Variants in SLC10A7 observed in about 807,000 individuals in gnomAD.
The protein encoded by SLC10A7 is solute carrier family 10 member 7.
A neutral mutation model predicts 43.2 loss-of-function variants in SLC10A7; 29 were observed. The ratio of observed to expected loss-of-function variants is 0.67; its 90% CI spans 0.50 to 0.92. The LOEUF is 0.92. Ranked by LOEUF, SLC10A7 falls within the 40% of genes least tolerant of loss-of-function variation. The pLI is 0.00. For missense variants in SLC10A7, 295 were observed against 403.2 expected, an observed-to-expected ratio of 0.73 and a Z score of 2.30; for synonymous variants, 152 against 144.8, an observed-to-expected ratio of 1.05 and a Z score of -0.35.
rs968675750 is a variant in SLC10A7, at chr4:146,393,853, C to G, written c.435+48930G>C. Among the ~76,000 whole-genome samples the G allele has an allele frequency of 1.3e-4, 20 of 152,152 alleles. 1 individual carries two copies. The highest frequency in any genetic ancestry group is 1.3e-3 in the Admixed American group (20 of 15,280). ...GGGGAAGGGAATATACAGGCACCTA[C>G]CAATAAGAGCAATTATTCTGGGAAC... On this transcript the variant is annotated intron_variant, in intron 5 of 11. Coordinates refer to ENST00000335472, the MANE Select transcript of SLC10A7 (RefSeq NM_001029998.6).
intron 5 of SLC10A7, among the ~76,000 whole-genome samples, chr4:146,385,308 G>A (rs1406148165): frequency 6.6e-6 from 1 of 152,096 alleles, no homozygotes; most frequent in Non-Finnish European, 1.5e-5. Context: ...ATATTATTAG[G>A]TTAGTGCAAA....
intron 5 of SLC10A7, chr4:146,442,361 G>T: frequency 1.0e-6 from 1 of 995,138 alleles, no homozygotes; most frequent in Non-Finnish European, 1.2e-6. Flanking sequence ...CTTTGACAGT[G>T]AAATGTACAA....
intron 4 of SLC10A7, among the ~76,000 whole-genome samples, chr4:146,482,761 C>T (rs1028033773): frequency 2.6e-5 from 4 of 151,982 alleles, no homozygotes; most frequent in Admixed American, 6.6e-5. Context: ...CCAAATTGAT[C>T]AAATCCAAAG....
chr4:146,419,310 G>A (rs773259819), intron 5 of SLC10A7, among the ~76,000 whole-genome samples: 5 of 152,054 alleles, frequency 3.3e-5, no homozygotes, highest in Non-Finnish European at 7.4e-5. Context: ...AGGCCAATAA[G>A]CCAAATTAGC....
At chr4:146,311,280 C>G (rs184783404) in intron 6 of SLC10A7, among the ~76,000 whole-genome samples, 5 of 152,210 alleles carry the variant, frequency 3.3e-5, no homozygotes, top group Admixed American at 2.6e-4. Context: ...CTTAGAAAGA[C>G]AAATAGGTAG....
chr4:146,332,740 T>C (rs1350037456), intron 5 of SLC10A7, among the ~76,000 whole-genome samples: 1 of 152,204 alleles, frequency 6.6e-6, no homozygotes, highest in East Asian at 1.9e-4. Context: ...AAGGACAGAA[T>C]AATACACCAT....
intron 4 of SLC10A7, among the ~76,000 whole-genome samples, chr4:146,460,223 C>T (rs914238977): frequency 7.2e-5 from 11 of 151,906 alleles, no homozygotes; most frequent in Non-Finnish European, 1.0e-4. Flanking sequence ...CCAATGAGGA[C>T]TCTCATATAT....
At chr4:146,512,275 G>A (rs1428074542) in intron 2 of SLC10A7, among the ~76,000 whole-genome samples, 8 of 151,978 alleles carry the variant, frequency 5.3e-5, no homozygotes, top group African/African-American at 1.7e-4. Flanking sequence ...TGCCCGGACT[G>A]CATATACTTC....
chr4:146,428,686 T>G (rs745333704), intron 5 of SLC10A7, among the ~76,000 whole-genome samples: 2 of 152,152 alleles, frequency 1.3e-5, no homozygotes, highest in African/African-American at 2.4e-5. Context: ...CAGTTTCTTT[T>G]TATGCACTGT....
At chr4:146,404,837 ATAAAC>A (rs1316926575) in intron 5 of SLC10A7, among the ~76,000 whole-genome samples, 1 of 152,186 alleles carries the variant, frequency 6.6e-6, no homozygotes, top group African/African-American at 2.4e-5. Context: ...CACTGTAAAA[ATAAAC>A]TAAAGATGAA....
chr4:146,508,722 T>C (rs901348143), intron 3 of SLC10A7, among the ~76,000 whole-genome samples: 1 of 152,182 alleles, frequency 6.6e-6, no homozygotes, highest in African/African-American at 2.4e-5. Flanking sequence ...CACTACTCTC[T>C]GAGTTGATTT....
chr4:146,467,901 T>A (rs935936638), intron 4 of SLC10A7, among the ~76,000 whole-genome samples: 1 of 152,212 alleles, frequency 6.6e-6, no homozygotes, highest in African/African-American at 2.4e-5. Flanking sequence ...CCTGGATCTA[T>A]GTGATGTGAT....
intron 5 of SLC10A7, among the ~76,000 whole-genome samples, chr4:146,440,528 C>A (rs577116976): frequency 6.6e-6 from 1 of 152,140 alleles, no homozygotes; most frequent in South Asian, 2.1e-4. Flanking sequence ...TTGGACAGCT[C>A]CCTCCAAATG....
At chr4:146,455,651 A>T (rs1731980491) in intron 4 of SLC10A7, among the ~76,000 whole-genome samples, 1 of 151,882 alleles carries the variant, frequency 6.6e-6, no homozygotes, top group South Asian at 2.1e-4. Flanking sequence ...AACTTACCAT[A>T]GATTCACAGA....
intron 4 of SLC10A7, among the ~76,000 whole-genome samples, chr4:146,446,776 CTATCTATCTATCTATCTATT>C (rs1321069444): frequency 2.9e-4 from 44 of 151,738 alleles, no homozygotes; most frequent in Middle Eastern, 6.8e-3. Flanking sequence ...ATCTATCTAT[CTATCTATCTATCTATCTATT>C]TATCTATCTA....
At chr4:146,381,592 A>G (rs148936337) in intron 5 of SLC10A7, among the ~76,000 whole-genome samples, 223 of 152,284 alleles carry the variant, frequency 1.5e-3, no homozygotes, top group African/African-American at 4.4e-3. Context: ...GGAGGCAAGG[A>G]AGATTTGCTC....
At chr4:146,514,866 G>A in intron 2 of SLC10A7, 1 of 465,968 alleles carries the variant, frequency 2.1e-6, no homozygotes, top group South Asian at 3.7e-5. Flanking sequence ...ATACAATCTA[G>A]GACATCTTAA....
chr4:146,279,722 C>T (rs969802430), intron 10 of SLC10A7, among the ~76,000 whole-genome samples: 6 of 152,078 alleles, frequency 3.9e-5, no homozygotes, highest in Non-Finnish European at 5.9e-5. Flanking sequence ...TCTTCCTGAA[C>T]GAACTCCAGG....
intron 5 of SLC10A7, among the ~76,000 whole-genome samples, chr4:146,346,007 T>C (rs1734596595): frequency 1.3e-5 from 2 of 152,078 alleles, no homozygotes; most frequent in Admixed American, 1.3e-4. Flanking sequence ...CAAGCTGTAA[T>C]TTTTGAGGTC....
Sources: allele counts gnomAD v4.1 joint callset (sites outside exome capture counted in the v4.1 genomes callset), GRCh38; gene constraint gnomAD v4.1.1; transcripts MANE v1.5; gene names NCBI Gene and HGNC (gene_info 2026-07-23, HGNC 2026-07-21).